MKLN1: variants seen among roughly 807,000 people sequenced by gnomAD.
The protein encoded by MKLN1 is muskelin.
Under a neutral mutation model 99.0 loss-of-function variants are expected in MKLN1, and 18 were observed. That is an observed-to-expected ratio of 0.18 (90% confidence interval 0.13 to 0.27). The LOEUF is 0.27. Ranked by LOEUF, MKLN1 falls within the 10% of genes least tolerant of loss-of-function variation. The probability of loss-of-function intolerance (pLI) is 1.00; values close to 1 mark genes in which losing one functional copy is unlikely to be tolerated. For synonymous variants in MKLN1, 288 were observed against 293.2 expected (o/e 0.98, Z 0.18); for missense variants, 621 against 875.9 (o/e 0.71, Z 3.67).
At chr7:131,223,164 A>G (rs1003170630) in intron 3 of MKLN1, among the ~76,000 whole-genome samples, 2 of 152,224 alleles carry the variant, frequency 1.3e-5, no homozygotes, top group Admixed American at 1.3e-4. Flanking sequence ...GGGTGAGTTT[A>G]TAGGGATTCT....
rs1344106428 is a variant in MKLN1 at position 131,345,775 on chromosome 7, ATATT to A, written c.98+17783_98+17786del. 1.3e-4 allele frequency among the ~76,000 whole-genome samples: 20 copies of A among 152,296 alleles called. 1 individual carries two copies. The East Asian group carries it at 3.9e-3, about 29-fold the overall frequency. The stretch of plus-strand genomic sequence containing the variant: ...TGAATCCCATTTTATTCTAGCAGTG[ATATT>A]TATTCATATATACATGAGACAATTG... On this transcript the variant is annotated intron_variant, in intron 1 of 17. Coordinates refer to ENST00000352689, the MANE Select transcript of MKLN1 (RefSeq NM_013255.5).
chr7:131,226,867 T>C (rs1006227058), intron 3 of MKLN1, among the ~76,000 whole-genome samples: 3 of 152,198 alleles, frequency 2.0e-5, no homozygotes, highest in African/African-American at 7.2e-5. Flanking sequence ...TGAGTCTTGA[T>C]GAAGAATATT....
intron 1 of MKLN1, among the ~76,000 whole-genome samples, chr7:131,333,013 T>C (rs1242170968): frequency 6.6e-6 from 1 of 152,112 alleles, no homozygotes; most frequent in Admixed American, 6.5e-5. Flanking sequence ...AAACTCTGCC[T>C]CCTGGCTTCA....
intron 6 of MKLN1, among the ~76,000 whole-genome samples, chr7:131,410,137 G>T (rs1794832882): frequency 6.6e-6 from 1 of 152,098 alleles, no homozygotes; most frequent in Non-Finnish European, 1.5e-5. Context: ...AGGTGTGTAT[G>T]TGGGGGGATG....
At chr7:131,482,305 C>T (rs1490493587) in intron 17 of MKLN1, among the ~76,000 whole-genome samples, 2 of 152,176 alleles carry the variant, frequency 1.3e-5, no homozygotes, top group Non-Finnish European at 2.9e-5. Context: ...AGCAATCCTT[C>T]TGCCTCAGCC....
chr7:131,387,028 A>G, intron 2 of MKLN1, 92 bp from the exon 3 acceptor site: 1 of 1,199,324 alleles, frequency 8.3e-7, no homozygotes, highest in East Asian at 2.4e-5. Flanking sequence ...GATGGACCTT[A>G]TACATTCTTC....
intron 1 of MKLN1, among the ~76,000 whole-genome samples, chr7:131,117,435 AAAC>A (rs35789698): frequency 0.011 from 1,704 of 148,992 alleles, 18 homozygotes; most frequent in African/African-American, 0.027. Context: ...ATCTCAGGAA[AAAC>A]AACAACAACA....
intron 3 of MKLN1, among the ~76,000 whole-genome samples, chr7:131,287,057 G>A (rs1451576418): frequency 6.6e-6 from 1 of 152,206 alleles, no homozygotes; most frequent in African/African-American, 2.4e-5. Flanking sequence ...AGCCACAATC[G>A]TGCCATTGCA....
intron 3 of MKLN1, among the ~76,000 whole-genome samples, chr7:131,208,956 T>C (rs1050270258): frequency 6.6e-6 from 1 of 152,236 alleles, no homozygotes; most frequent in Non-Finnish European, 1.5e-5. Context: ...ACAAGCTGGC[T>C]ATTTTAGACT....
At chr7:131,342,499 A>G (rs1325055627) in intron 1 of MKLN1, among the ~76,000 whole-genome samples, 2 of 152,182 alleles carry the variant, frequency 1.3e-5, no homozygotes, top group South Asian at 2.1e-4. Context: ...TCGTTTGTTT[A>G]TATATGAAAT....
At chr7:131,438,529 A>T (rs901525401) in intron 10 of MKLN1, among the ~76,000 whole-genome samples, 1 of 150,436 alleles carries the variant, frequency 6.6e-6, no homozygotes, top group African/African-American at 2.5e-5. Flanking sequence ...GTAGACTAGA[A>T]GACTGAACAT....
chr7:131,128,685 A>G (rs1189680517), intron 1 of MKLN1, among the ~76,000 whole-genome samples: 1 of 152,110 alleles, frequency 6.6e-6, no homozygotes, highest in Non-Finnish European at 1.5e-5. Context: ...TTGCACATTC[A>G]TAGCTCGCTG....
At chr7:131,322,993 G>A (rs551706463), upstream of MKLN1, among the ~76,000 whole-genome samples, 8 of 152,256 alleles carry the variant, frequency 5.3e-5, no homozygotes, top group African/African-American at 1.7e-4. Context: ...CGACACGTGG[G>A]GATTACAATT....
At chr7:131,358,394 G>A (rs1799940603) in intron 1 of MKLN1, among the ~76,000 whole-genome samples, 1 of 151,980 alleles carries the variant, frequency 6.6e-6, no homozygotes, top group Non-Finnish European at 1.5e-5. Flanking sequence ...GTTTTATTGT[G>A]GTGTGTAATT....
At chr7:131,376,095 A>AATATAT (rs60323728) in intron 2 of MKLN1, among the ~76,000 whole-genome samples, 2,371 of 106,532 alleles carry the variant, frequency 0.022, 31 homozygotes, top group Middle Eastern at 0.035. Context: ...AATTCATGGA[A>AATATAT]ATATATATAT....
intron 1 of MKLN1, among the ~76,000 whole-genome samples, chr7:131,367,411 T>G (rs1800213312): frequency 6.6e-6 from 1 of 152,226 alleles, no homozygotes; most frequent in South Asian, 2.1e-4. Context: ...CTCATATAGT[T>G]GATACCGAAT....
intron 4 of MKLN1, among the ~76,000 whole-genome samples, chr7:131,395,530 T>A (rs1794335939): frequency 6.6e-6 from 1 of 151,162 alleles, no homozygotes; most frequent in African/African-American, 2.4e-5. Context: ...AGGCATACAG[T>A]GCACCTTGTA....
chr7:131,482,178 T>C (rs1017612138), intron 17 of MKLN1, among the ~76,000 whole-genome samples: 2 of 151,988 alleles, frequency 1.3e-5, no homozygotes, highest in African/African-American at 4.8e-5. Context: ...CTGTAAAGCA[T>C]GTTGCCTATT....
At chr7:131,327,816 G>C, upstream of MKLN1, 3 of 1,514,470 alleles carry the variant, frequency 2.0e-6, no homozygotes, top group South Asian at 3.7e-5. Context: ...GGAGGGCGGC[G>C]GCCCCTTTAA....
Sources: gnomAD v4.1 joint callset for allele counts (sites outside exome capture counted in the v4.1 genomes callset) on GRCh38, gnomAD v4.1.1 for gene constraint, MANE v1.5 for transcripts, NCBI Gene and HGNC (gene_info 2026-07-23, HGNC 2026-07-21) for gene names.